Variants in CACNG6 observed in about 807,000 individuals in gnomAD.
CACNG6 encodes the protein calcium voltage-gated channel auxiliary subunit gamma 6.
In CACNG6, 21 loss-of-function variants were observed where a neutral mutation model predicts 23.9. That is an observed-to-expected ratio of 0.88 (90% CI 0.62 to 1.26). The LOEUF is 1.26. CACNG6 is among the 50% of genes most tolerant of loss of function. CACNG6 has a pLI of 0.00. For synonymous variants in CACNG6, 182 were observed against 168.9 expected (o/e 1.08, Z -0.60); for missense variants, 340 against 352.9 (o/e 0.96, Z 0.29).
chr19:53,993,225 C>T lies in CACNG6; in HGVS notation c.331+17C>T, dbSNP rs761045917. ...TGCCCGGAGGTGAGCAGCCGCCGCC[C>T]CGAGCGCAGGGCTTGCGTCCCACGG... On this transcript the variant is annotated intron_variant, in intron 1 of 3. Transcript: ENST00000252729. 6.5e-7 allele frequency: 1 copy of T among 1,528,448 alleles called. No individual in the cohort carries two copies. Among genetic ancestry groups the T allele is most frequent in the Non-Finnish European group, 8.8e-7 (1 of 1,142,122 alleles). The allele number at this position is 1,528,448 out of a possible 1,614,324, so 94.7% of individuals were successfully genotyped here.
chr19:54,011,205 A>AAAAAAAAATATATAT (rs58054808), intron 3 of CACNG6, among the ~76,000 whole-genome samples: 1 of 102,546 alleles, frequency 9.8e-6, no homozygotes, highest in African/African-American at 5.0e-5. Flanking sequence ...AAAAAAAAAA[A>AAAAAAAAATATATAT]ATATATATAT....
At chr19:54,008,750 C>T (rs565891878) in intron 3 of CACNG6, among the ~76,000 whole-genome samples, 4 of 152,308 alleles carry the variant, frequency 2.6e-5, no homozygotes, top group East Asian at 3.9e-4. Context: ...TGGCTTTTCT[C>T]GACACCATCC....
At chr19:53,991,550 C>T (rs960753639), upstream of CACNG6, among the ~76,000 whole-genome samples, 3 of 138,178 alleles carry the variant, frequency 2.2e-5, no homozygotes, top group African/African-American at 8.0e-5. Context: ...GTGTTATTTA[C>T]GGGTCAAGCC....
rs1369526843 is a variant in CACNG6, at chr19:54,011,994, G to T, written c.588G>T (p.Val196=). The T allele has an allele frequency of 6.3e-7, 1 of 1,593,928 alleles. No homozygotes were observed. The highest frequency in any genetic ancestry group is 8.5e-7 in the Non-Finnish European group (1 of 1,171,110). Residue 196 remains valine, a synonymous_variant, in exon 4 of 4, where the codon GTG becomes GTT. Transcript: ENST00000252729. The part of the protein sequence containing the change: ...LVSLEVFRHS[V]RALLQRVSPE... ...GCCTGGAGGTGTTCCGGCATTCCGT[G>T]AGGGCCCTGCTGCAGAGAGTCAGCC... is the stretch of plus-strand genomic sequence containing the variant.
chr19:54,011,451 AAAC>A (rs1568820557), intron 3 of CACNG6, among the ~76,000 whole-genome samples: 1 of 139,774 alleles, frequency 7.2e-6, no homozygotes, highest in Non-Finnish European at 1.5e-5. Flanking sequence ...AAAAAAAAAA[AAAC>A]AAAACAAAAC....
At chr19:53,998,159 G>A (rs2069539099) in intron 1 of CACNG6, 80 bp from the exon 2 acceptor site, 1 of 1,244,386 alleles carries the variant, frequency 8.0e-7, no homozygotes. Flanking sequence ...AGGCTCCCGT[G>A]GGCTGTTAAC....
In CACNG6 at chr19:54,004,345, G is replaced by T. The variant is rs1360060787; in HGVS notation, c.544+4574G>T. ...GTTAATTTTGTATTTTTGTGTGTGTGTGTGTGTGTGTGTGTGTGTGTGTGT... is the reference window on the plus strand; with the variant it reads ...GTTAATTTTGTATTTTTGTGTGTGTTTGTGTGTGTGTGTGTGTGTGTGTGT... On this transcript the variant is annotated intron_variant, in intron 3 of 3. Coordinates refer to ENST00000252729, the MANE Select transcript of CACNG6 (RefSeq NM_145814.2). 2.3e-3 allele frequency among the ~76,000 whole-genome samples: 123 copies of T among 52,422 alleles called. 1 individual carries two copies. The highest frequency in any genetic ancestry group is 8.0e-3 in the East Asian group (11 of 1,378). 34.4% of individuals were successfully genotyped at this position (52,422 alleles called of 152,430 possible).
At position 53,999,804 on chromosome 19, in the gene CACNG6, T is replaced by C. The variant is rs747050336; in HGVS notation, c.544+33T>C. 61 of 1,609,286 alleles carry C rather than the reference T, an allele frequency of 3.8e-5. No homozygotes were observed. The Admixed American group carries it at 9.9e-4, about 26-fold the overall frequency. On this transcript the variant is annotated intron_variant, in intron 3 of 3. Transcript: ENST00000252729. The stretch of plus-strand genomic sequence containing the variant: ...TTCAGAGCCTGGAGGCTGAGGACAT[T>C]GCATGCTGGGAGGATCTCCAGGCAC...
chr19:53,999,793 G>T, intron 3 of CACNG6, 22 bp downstream of exon 3: 2 of 1,611,704 alleles, frequency 1.2e-6, no homozygotes, highest in Non-Finnish European at 8.5e-7. Context: ...GAGCCTGGAG[G>T]CTGAGGACAT....
chr19:54,011,230 A>ACG (rs1159677107), intron 3 of CACNG6, among the ~76,000 whole-genome samples: 54 of 137,540 alleles, frequency 3.9e-4, no homozygotes, highest in African/African-American at 1.5e-3. Flanking sequence ...ATATATATAC[A>ACG]CACACACACA....
rs193278604 is a variant in CACNG6, at chr19:54,009,721, G to A, written c.545-2230G>A. Among the ~76,000 whole-genome samples the A allele has an allele frequency of 1.9e-4, 29 of 151,642 alleles. 2 individuals carry two copies. Among genetic ancestry groups the A allele is most frequent in the African/African-American group, 6.8e-4 (28 of 41,386 alleles). Reference sequence around the variant, plus strand: ...CTGTCTATCTCCAAGTAATATATAAGCTCCACGAGGGTAGGGTCTTTCTCT... The same window carrying A: ...CTGTCTATCTCCAAGTAATATATAAACTCCACGAGGGTAGGGTCTTTCTCT... On this transcript the variant is annotated intron_variant, in intron 3 of 3. Transcript: ENST00000252729.
chr19:54,001,287 C>T (rs142271609), intron 3 of CACNG6, among the ~76,000 whole-genome samples: 1,824 of 151,936 alleles, frequency 0.012, 37 homozygotes, highest in African/African-American at 0.041. Context: ...CTCTCAGGTT[C>T]AAGCAATTCT....
chr19:53,994,251 C>G (rs2069498452), intron 1 of CACNG6, among the ~76,000 whole-genome samples: 1 of 152,200 alleles, frequency 6.6e-6, no homozygotes, highest in South Asian at 2.1e-4. Context: ...CACCAGACGC[C>G]TCCCAACACC....
chr19:54,006,542 T>G (rs2069648848), intron 3 of CACNG6, among the ~76,000 whole-genome samples: 1 of 114,944 alleles, frequency 8.7e-6, no homozygotes, highest in African/African-American at 3.3e-5. Context: ...TTTTTTTTTT[T>G]TTGTTGAGTC....
intron 1 of CACNG6, among the ~76,000 whole-genome samples, chr19:53,996,047 G>C (rs1015555612): frequency 6.6e-6 from 1 of 152,132 alleles, no homozygotes; most frequent in Non-Finnish European, 1.5e-5. Flanking sequence ...ACCTCCCCTC[G>C]GGGTACTTGG....
rs751802344 is a variant in CACNG6 at position 53,992,870 on chromosome 19, G to T, written c.-8G>T. The T allele has an allele frequency of 7.2e-7, 1 of 1,387,764 alleles. No individual in the cohort carries two copies. The highest frequency in any genetic ancestry group is 9.3e-7 in the Non-Finnish European group (1 of 1,070,332). The allele number at this position is 1,387,764 out of a possible 1,614,324, so 86.0% of individuals were successfully genotyped here. Reference sequence around the variant, plus strand: ...CTCCTCCCCCTTCCCGACCCCACCGGCCATAAGATGATGTGGTCCAACTTC... The same window carrying T: ...CTCCTCCCCCTTCCCGACCCCACCGTCCATAAGATGATGTGGTCCAACTTC... On this transcript the variant is annotated 5_prime_UTR_variant, in exon 1 of 4. Transcript: ENST00000252729. This position sits in a 1 kb window ranked among gnomAD's most constrained non-coding sequence, Gnocchi z 4.1.
intron 3 of CACNG6, among the ~76,000 whole-genome samples, chr19:54,010,040 CTTTTT>C (rs34229634): frequency 1.6e-5 from 2 of 125,360 alleles, no homozygotes; most frequent in Non-Finnish European, 1.6e-5. Flanking sequence ...TCTTTTCTTT[CTTTTT>C]TTTTTTTTTT....
chr19:53,991,345 C>T (rs2069456215), upstream of CACNG6, among the ~76,000 whole-genome samples: 1 of 151,918 alleles, frequency 6.6e-6, no homozygotes, highest in Non-Finnish European at 1.5e-5. Flanking sequence ...CCCAGTCAGA[C>T]TTGCTGCCCC....
chr19:54,006,903 G>A (rs2069654260), intron 3 of CACNG6, among the ~76,000 whole-genome samples: 1 of 151,290 alleles, frequency 6.6e-6, no homozygotes, highest in South Asian at 2.1e-4. Flanking sequence ...TCACTCTGTT[G>A]CCCAGGCTGA....
Sources: allele counts gnomAD v4.1 joint callset (sites outside exome capture counted in the v4.1 genomes callset), GRCh38; gene constraint gnomAD v4.1.1; non-coding constraint Gnocchi (gnomAD v3.1); transcripts MANE v1.5; gene names NCBI Gene and HGNC (gene_info 2026-07-23, HGNC 2026-07-21).